The following THADA variants were observed in gnomAD, a reference collection of about 807,000 sequenced individuals.
THADA encodes the protein THADA armadillo repeat containing.
A neutral mutation model predicts 219.8 loss-of-function variants in THADA; 213 were observed. The observed-to-expected ratio is 0.97, with a 90% confidence interval of 0.87 to 1.09. THADA has a LOEUF of 1.09. Among genes scored for constraint, THADA ranks in the 50% least tolerant of loss-of-function variants. The pLI, the probability that THADA is intolerant of heterozygous loss-of-function variation, is 0.00. For missense variants in THADA, 2,956 were observed against 2,311.3 expected, an observed-to-expected ratio of 1.28 and a Z score of -5.72; for synonymous variants, 1,018 against 828.9, an observed-to-expected ratio of 1.23 and a Z score of -3.92.
intron 26 of THADA, among the ~76,000 whole-genome samples, chr2:43,483,404 C>A (rs906203940): frequency 1.3e-5 from 2 of 152,116 alleles, no homozygotes; most frequent in African/African-American, 4.8e-5. Flanking sequence ...AAAGGTTTTG[C>A]AAAGCAAACC....
intron 15 of THADA, among the ~76,000 whole-genome samples, chr2:43,561,281 C>G (rs1043414336): frequency 6.6e-6 from 1 of 152,186 alleles, no homozygotes; most frequent in African/African-American, 2.4e-5. Context: ...GTGTGAAGAA[C>G]TTTGCCTATC....
At chr2:43,282,308 C>T (rs1190825223) in intron 35 of THADA, among the ~76,000 whole-genome samples, 1 of 152,096 alleles carries the variant, frequency 6.6e-6, no homozygotes. Flanking sequence ...GTCTCTCTGG[C>T]TGTAAGAAAA....
At chr2:43,336,028 T>C (rs7583881) in intron 30 of THADA, among the ~76,000 whole-genome samples, 4 of 150,358 alleles carry the variant, frequency 2.7e-5, no homozygotes, top group Admixed American at 2.6e-4. Context: ...ACCCCAGAGG[T>C]GGAGCTTGCA....
chr2:43,507,691 T>C (rs1367403551), intron 23 of THADA, among the ~76,000 whole-genome samples: 1 of 152,170 alleles, frequency 6.6e-6, no homozygotes, highest in Non-Finnish European at 1.5e-5. Context: ...GAGACTTCAT[T>C]CCATTTATTT....
At chr2:43,330,678 G>A (rs978265629) in intron 30 of THADA, among the ~76,000 whole-genome samples, 4 of 152,344 alleles carry the variant, frequency 2.6e-5, no homozygotes, top group African/African-American at 9.6e-5. Flanking sequence ...CAGCCAGCCA[G>A]CTGAGAGTGA....
intron 20 of THADA, among the ~76,000 whole-genome samples, chr2:43,547,744 G>C (rs1166652186): frequency 2.6e-5 from 4 of 151,996 alleles, no homozygotes; most frequent in African/African-American, 7.3e-5. Flanking sequence ...TCTCTGTATT[G>C]GTTATTCTAG....
At chr2:43,441,936 C>T (rs985354325) in intron 26 of THADA, among the ~76,000 whole-genome samples, 14 of 152,086 alleles carry the variant, frequency 9.2e-5, no homozygotes, top group African/African-American at 2.4e-4. Context: ...GGGCGCAATC[C>T]TATGGGAGAT....
chr2:43,466,884 G>A (rs889668073), intron 26 of THADA, among the ~76,000 whole-genome samples: 4 of 151,878 alleles, frequency 2.6e-5, no homozygotes, highest in African/African-American at 9.7e-5. Context: ...AAGAGGATGT[G>A]ATTAAACACC....
At chr2:43,274,130 A>C (rs1218977603) in intron 36 of THADA, among the ~76,000 whole-genome samples, 1 of 152,080 alleles carries the variant, frequency 6.6e-6, no homozygotes, top group Non-Finnish European at 1.5e-5. Context: ...GGTGTCTCCC[A>C]GATAACCCAG....
intron 31 of THADA, among the ~76,000 whole-genome samples, chr2:43,305,163 C>T (rs11891936): frequency 0.18 from 27,803 of 151,974 alleles, 2,684 homozygotes; most frequent in South Asian, 0.27. Flanking sequence ...GCAATTTCTC[C>T]GTTAAAAAAA....
chr2:43,436,622 C>T (rs72881029), intron 26 of THADA, among the ~76,000 whole-genome samples: 3,958 of 152,274 alleles, frequency 0.026, 63 homozygotes, highest in African/African-American at 0.049. Context: ...TGCCACTCAG[C>T]TGTTGGTGTG....
intron 23 of THADA, among the ~76,000 whole-genome samples, chr2:43,506,388 G>C (rs1390032282): frequency 1.3e-5 from 2 of 152,162 alleles, no homozygotes; most frequent in African/African-American, 4.8e-5. Context: ...AGCCACTTGA[G>C]GCAATAAAAA....
At chr2:43,431,377 G>GCC (rs1553440445) in intron 26 of THADA, among the ~76,000 whole-genome samples, 1 of 151,798 alleles carries the variant, frequency 6.6e-6, no homozygotes, top group Non-Finnish European at 1.5e-5. Context: ...GCAAACTCCC[G>GCC]CCCCACAAAG....
At chr2:43,580,285 C>T (rs564512188) in intron 8 of THADA, among the ~76,000 whole-genome samples, 2 of 151,864 alleles carry the variant, frequency 1.3e-5, no homozygotes, top group Non-Finnish European at 2.9e-5. Context: ...GTGATCTGCC[C>T]GCCTTGGCCT....
At chr2:43,395,204 C>T (rs963051021) in intron 29 of THADA, among the ~76,000 whole-genome samples, 1 of 152,256 alleles carries the variant, frequency 6.6e-6, no homozygotes, top group Admixed American at 6.5e-5. Flanking sequence ...TAAAGAAAAT[C>T]TGATGGCTGA....
chr2:43,504,027 A>G (rs1375350866), intron 24 of THADA, among the ~76,000 whole-genome samples: 1 of 152,158 alleles, frequency 6.6e-6, no homozygotes, highest in Non-Finnish European at 1.5e-5. Context: ...TTTTCAGATT[A>G]GAGATGCTGA....
At chr2:43,317,395 G>C (rs974991480) in intron 31 of THADA, among the ~76,000 whole-genome samples, 3 of 152,174 alleles carry the variant, frequency 2.0e-5, no homozygotes, top group African/African-American at 4.8e-5. Flanking sequence ...GGCCTACTAT[G>C]TGCTTAGACG....
intron 29 of THADA, among the ~76,000 whole-genome samples, chr2:43,395,469 G>C (rs72879273): frequency 1.1e-3 from 165 of 151,046 alleles, no homozygotes; most frequent in African/African-American, 3.8e-3. Context: ...GGAGATGAGT[G>C]CTCAAGAGTT....
intron 28 of THADA, among the ~76,000 whole-genome samples, chr2:43,424,199 A>C (rs1292291054): frequency 6.6e-6 from 1 of 152,238 alleles, no homozygotes; most frequent in Non-Finnish European, 1.5e-5. Context: ...ACTACATATA[A>C]TACTTATAAA....
Sources: allele counts gnomAD v4.1 joint callset (sites outside exome capture counted in the v4.1 genomes callset), GRCh38; gene constraint gnomAD v4.1.1; transcripts MANE v1.5; gene names NCBI Gene and HGNC (gene_info 2026-07-23, HGNC 2026-07-21).